TMEM150C: variants seen among roughly 807,000 people sequenced by gnomAD.
TMEM150C encodes tentonin 3.
In TMEM150C, 10 loss-of-function variants were observed where a neutral mutation model predicts 29.9. That is an observed-to-expected ratio of 0.33 (90% CI 0.21 to 0.57). The LOEUF is 0.57. Among genes scored for constraint, TMEM150C ranks in the 20% least tolerant of loss-of-function variants. TMEM150C has a pLI of 0.88. For synonymous variants in TMEM150C, 101 were observed against 112.5 expected, an observed-to-expected ratio of 0.90 and a Z score of 0.64; for missense variants, 251 against 303.6, an observed-to-expected ratio of 0.83 and a Z score of 1.29.
chr4:82,487,943 A>G (rs1313840263), intron 7 of TMEM150C, among the ~76,000 whole-genome samples: 1 of 151,378 alleles, frequency 6.6e-6, no homozygotes. Context: ...TTATTTATTT[A>G]TTTATATTTC....
chr4:82,491,936 G>GTT (rs375594585), intron 6 of TMEM150C, among the ~76,000 whole-genome samples: 2 of 142,116 alleles, frequency 1.4e-5, no homozygotes, highest in Non-Finnish European at 3.1e-5. Context: ...ACTAATTCTT[G>GTT]TTTTTTTTTT....
rs1723922413 is a variant in TMEM150C, at chr4:82,506,411, TTAAA to T, written c.-10-1748_-10-1745del. 2.0e-5 allele frequency among the ~76,000 whole-genome samples: 3 copies of T among 152,214 alleles called. No homozygotes were observed. In the South Asian group the frequency reaches 6.2e-4, roughly 32 times the overall value. ...CTAAACACATATCTGGGCAGTGGTG[TTAAA>T]TAAATTACAGAATCTAGTTTACAGA... On this transcript the variant is annotated intron_variant, in intron 1 of 7. Coordinates refer to ENST00000449862, the MANE Select transcript of TMEM150C (RefSeq NM_001080506.3).
intron 7 of TMEM150C, among the ~76,000 whole-genome samples, chr4:82,489,796 T>A (rs1723273212): frequency 6.6e-6 from 1 of 152,222 alleles, no homozygotes; most frequent in South Asian, 2.1e-4. Context: ...AACTTTTACA[T>A]CATTAGTGAA....
At chr4:82,515,167 AC>A (rs1724251527) in intron 1 of TMEM150C, among the ~76,000 whole-genome samples, 1 of 152,180 alleles carries the variant, frequency 6.6e-6, no homozygotes, top group Admixed American at 6.5e-5. Context: ...ATCCACTGAT[AC>A]CCAAGAGTTC....
intron 1 of TMEM150C, among the ~76,000 whole-genome samples, chr4:82,520,998 T>C (rs895807495): frequency 2.0e-5 from 3 of 152,144 alleles, no homozygotes; most frequent in African/African-American, 7.2e-5. Context: ...TCTCCTTGCA[T>C]TACTTGAACG....
intron 1 of TMEM150C, among the ~76,000 whole-genome samples, chr4:82,550,248 C>A (rs1303587542): frequency 6.6e-6 from 1 of 152,108 alleles, no homozygotes; most frequent in Non-Finnish European, 1.5e-5. Context: ...CTCTCATGAA[C>A]TCTCATGAAC....
At chr4:82,539,284 T>C (rs1474942152) in intron 1 of TMEM150C, among the ~76,000 whole-genome samples, 1 of 152,192 alleles carries the variant, frequency 6.6e-6, no homozygotes, top group Non-Finnish European at 1.5e-5. Flanking sequence ...TGATCATTAA[T>C]GCTGTTCTGG....
chr4:82,520,771 T>C (rs1724457701), intron 1 of TMEM150C, among the ~76,000 whole-genome samples: 1 of 152,122 alleles, frequency 6.6e-6, no homozygotes, highest in Non-Finnish European at 1.5e-5. Context: ...GTAGTCCTAG[T>C]TACTCAGAAG....
chr4:82,490,961 A>G (rs1233178436), intron 6 of TMEM150C: 1 of 731,062 alleles, frequency 1.4e-6, no homozygotes. Flanking sequence ...TGGTCCTGAT[A>G]GCTTCCACCC....
At chr4:82,536,544 C>T (rs1387955298) in intron 1 of TMEM150C, among the ~76,000 whole-genome samples, 1 of 151,666 alleles carries the variant, frequency 6.6e-6, no homozygotes, top group East Asian at 1.9e-4. Flanking sequence ...AAATATTTAG[C>T]TAATGTCTGG....
chr4:82,537,703 A>G (rs531893261), intron 1 of TMEM150C, among the ~76,000 whole-genome samples: 115 of 152,372 alleles, frequency 7.5e-4, no homozygotes, highest in Non-Finnish European at 1.4e-3. Flanking sequence ...CCTAAATCCA[A>G]TGACTGATGT....
intron 1 of TMEM150C, among the ~76,000 whole-genome samples, chr4:82,541,058 CA>C (rs1376879170): frequency 6.6e-6 from 1 of 152,106 alleles, no homozygotes; most frequent in Non-Finnish European, 1.5e-5. Flanking sequence ...GTACCTACCT[CA>C]AATATTTGTT....
chr4:82,519,934 T>C (rs1442148631), intron 1 of TMEM150C, among the ~76,000 whole-genome samples: 1 of 152,134 alleles, frequency 6.6e-6, no homozygotes, highest in African/African-American at 2.4e-5. Context: ...TAACTGAAAC[T>C]GTGGAAAGTG....
chr4:82,521,787 C>G (rs1419848381), intron 1 of TMEM150C, among the ~76,000 whole-genome samples: 7 of 152,148 alleles, frequency 4.6e-5, no homozygotes, highest in Non-Finnish European at 8.8e-5. Flanking sequence ...CATCCACAGT[C>G]AGACTGTGTG....
At chr4:82,493,969 CA>C (rs1723455344) in intron 6 of TMEM150C, among the ~76,000 whole-genome samples, 1 of 152,134 alleles carries the variant, frequency 6.6e-6, no homozygotes, top group Admixed American at 6.5e-5. Flanking sequence ...TACTATGTGC[CA>C]GGGGAAGTCT....
chr4:82,558,110 T>A (rs1725799221), intron 1 of TMEM150C, among the ~76,000 whole-genome samples: 1 of 152,194 alleles, frequency 6.6e-6, no homozygotes, highest in African/African-American at 2.4e-5. Context: ...TGCCACTTTT[T>A]TTTTTCTAAT....
intron 7 of TMEM150C, among the ~76,000 whole-genome samples, chr4:82,488,102 C>T (rs1411480899): frequency 6.6e-6 from 1 of 152,140 alleles, no homozygotes; most frequent in African/African-American, 2.4e-5. Flanking sequence ...CCATCCTTTC[C>T]CCTGAGTCCC....
At chr4:82,553,129 G>A (rs548169279) in intron 1 of TMEM150C, among the ~76,000 whole-genome samples, 13 of 152,282 alleles carry the variant, frequency 8.5e-5, no homozygotes, top group African/African-American at 3.1e-4. Context: ...CAACTCTTCA[G>A]TGTTCATGTA....
At chr4:82,515,607 C>T (rs58083828) in intron 1 of TMEM150C, among the ~76,000 whole-genome samples, 11,611 of 151,930 alleles carry the variant, frequency 0.076, 523 homozygotes, top group African/African-American at 0.13. Flanking sequence ...CATGGTGGCA[C>T]GCGCCTATAA....
Sources: gnomAD v4.1 joint callset for allele counts (sites outside exome capture counted in the v4.1 genomes callset) on GRCh38, gnomAD v4.1.1 for gene constraint, MANE v1.5 for transcripts, NCBI Gene and HGNC (gene_info 2026-07-23, HGNC 2026-07-21) for gene names.